Variants in CADM2 observed in about 807,000 individuals in gnomAD.
CADM2 encodes the protein immunoglobulin superfamily member 4D.
Under a neutral mutation model 49.8 loss-of-function variants are expected in CADM2, and 12 were observed. The ratio of observed to expected loss-of-function variants is 0.24; its 90% CI spans 0.15 to 0.39. CADM2 has a LOEUF of 0.39. Among genes scored for constraint, CADM2 ranks in the 10% least tolerant of loss-of-function variants. The probability of loss-of-function intolerance (pLI) is 1.00; values close to 1 mark genes in which losing one functional copy is unlikely to be tolerated. For missense variants in CADM2, 378 were observed against 492.3 expected, an observed-to-expected ratio of 0.77 and a Z score of 2.20; for synonymous variants, 214 against 175.4, an observed-to-expected ratio of 1.22 and a Z score of -1.74.
chr3:85,777,703 C>T (rs1262125105), intron 2 of CADM2, among the ~76,000 whole-genome samples: 1 of 152,216 alleles, frequency 6.6e-6, no homozygotes, highest in South Asian at 2.1e-4. Context: ...ATCTTCCACA[C>T]TGGCATTATT....
intron 1 of CADM2, among the ~76,000 whole-genome samples, chr3:84,999,634 A>G (rs2033355281): frequency 6.6e-6 from 1 of 152,226 alleles, no homozygotes; most frequent in African/African-American, 2.4e-5. Flanking sequence ...ACAAGAAGGC[A>G]GAGCATTGCC....
chr3:85,204,063 T>G (rs1457434504), intron 1 of CADM2, among the ~76,000 whole-genome samples: 1 of 152,166 alleles, frequency 6.6e-6, no homozygotes, highest in Non-Finnish European at 1.5e-5. Flanking sequence ...TCACTAGAGC[T>G]CAAATGAACA....
At chr3:85,987,159 A>C (rs56339824) in intron 8 of CADM2, among the ~76,000 whole-genome samples, 46,323 of 151,872 alleles carry the variant, frequency 0.31, 8,359 homozygotes, top group East Asian at 0.41. Flanking sequence ...CATTTGGAAA[A>C]TATCTGAGAA....
chr3:85,882,236 A>C (rs1712920768), intron 3 of CADM2, among the ~76,000 whole-genome samples: 1 of 140,110 alleles, frequency 7.1e-6, no homozygotes, highest in African/African-American at 2.7e-5. Flanking sequence ...CTCTAGATGG[A>C]GAGGGGAAGT....
At chr3:85,996,290 C>CTTTTTTTTTTTTTTTT (rs397990432) in intron 8 of CADM2, among the ~76,000 whole-genome samples, 2 of 89,312 alleles carry the variant, frequency 2.2e-5, no homozygotes, top group Non-Finnish European at 2.1e-5. Context: ...TTTTCATTTA[C>CTTTTTTTTTTTTTTTT]TTTTTTTTTT....
intron 2 of CADM2, among the ~76,000 whole-genome samples, chr3:85,775,935 CAT>C (rs765246597): frequency 6.6e-6 from 1 of 151,808 alleles, no homozygotes; most frequent in Non-Finnish European, 1.5e-5. Context: ...AAAGAAGAAA[CAT>C]AATTTTAGTA....
chr3:85,144,275 G>T (rs2039665612), intron 1 of CADM2, among the ~76,000 whole-genome samples: 2 of 138,946 alleles, frequency 1.4e-5, no homozygotes, highest in South Asian at 4.5e-4. Flanking sequence ...ACACACATGT[G>T]CACACAATCT....
intron 1 of CADM2, among the ~76,000 whole-genome samples, chr3:85,714,565 T>A (rs761991105): frequency 6.6e-6 from 1 of 152,012 alleles, no homozygotes; most frequent in Non-Finnish European, 1.5e-5. Flanking sequence ...TAACTGGGAC[T>A]ACAGACACCC....
chr3:85,434,019 A>C (rs764057975), intron 1 of CADM2, among the ~76,000 whole-genome samples: 17 of 152,084 alleles, frequency 1.1e-4, no homozygotes, highest in Non-Finnish European at 5.9e-5. Flanking sequence ...CAATCAGTAA[A>C]TGTTGATTTA....
intron 1 of CADM2, among the ~76,000 whole-genome samples, chr3:85,581,924 T>C (rs903396546): frequency 3.7e-4 from 56 of 152,080 alleles, no homozygotes; most frequent in Middle Eastern, 6.8e-3. Context: ...TTGTTTTGTT[T>C]TGTTTTGTTT....
intron 2 of CADM2, among the ~76,000 whole-genome samples, chr3:85,766,343 T>C (rs923607803): frequency 3.9e-5 from 6 of 152,144 alleles, no homozygotes; most frequent in Non-Finnish European, 5.9e-5. Flanking sequence ...TTAATAGTTA[T>C]GTCAGGGCCC....
intron 1 of CADM2, among the ~76,000 whole-genome samples, chr3:85,340,190 A>G (rs1173015607): frequency 1.3e-5 from 2 of 151,570 alleles, no homozygotes; most frequent in Non-Finnish European, 3.0e-5. Context: ...AGCATTTCCT[A>G]TAACTCTATG....
At chr3:85,920,031 C>T (rs1718893706) in intron 6 of CADM2, among the ~76,000 whole-genome samples, 1 of 151,876 alleles carries the variant, frequency 6.6e-6, no homozygotes, top group Non-Finnish European at 1.5e-5. Context: ...GCAGTCTACA[C>T]TACACAAACC....
At chr3:85,715,963 CAT>C (rs1194206203) in intron 1 of CADM2, among the ~76,000 whole-genome samples, 1 of 152,222 alleles carries the variant, frequency 6.6e-6, no homozygotes, top group African/African-American at 2.4e-5. Flanking sequence ...CTGCAATACA[CAT>C]GTGTGTGCCT....
At chr3:85,979,907 A>T (rs1019431198) in intron 8 of CADM2, among the ~76,000 whole-genome samples, 2 of 151,638 alleles carry the variant, frequency 1.3e-5, no homozygotes, top group Non-Finnish European at 3.0e-5. Flanking sequence ...TGATATCATT[A>T]TACAAATAAG....
rs112454427 is a variant in CADM2, at chr3:85,986,785, A to G, written c.970+25138A>G. On this transcript the variant is annotated intron_variant, in intron 8 of 9. Coordinates refer to ENST00000383699, the MANE Select transcript of CADM2 (RefSeq NM_001167675.2). The stretch of plus-strand genomic sequence containing the variant: ...AAGGAACAAGCACCATATATGTTCT[A>G]TAGGTGGAGGTACTTTCAACCTTGC... Among the ~76,000 whole-genome samples, 156 of 152,232 alleles carry G rather than the reference A, an allele frequency of 1.0e-3. 2 individuals carry two copies. The highest frequency in any genetic ancestry group is 3.7e-3 in the African/African-American group (152 of 41,562).
chr3:85,733,409 T>C (rs1002668511), intron 2 of CADM2, among the ~76,000 whole-genome samples: 4 of 152,190 alleles, frequency 2.6e-5, no homozygotes, highest in African/African-American at 9.6e-5. Context: ...TCTCACTGTA[T>C]AGGGATATTG....
intron 1 of CADM2, among the ~76,000 whole-genome samples, chr3:85,216,381 A>G (rs954149481): frequency 6.8e-6 from 1 of 147,200 alleles, no homozygotes; most frequent in African/African-American, 2.5e-5. Flanking sequence ...ATATTAATGT[A>G]CACTTATATT....
chr3:85,854,413 A>G (rs958486177), intron 3 of CADM2, among the ~76,000 whole-genome samples: 7 of 152,196 alleles, frequency 4.6e-5, no homozygotes, highest in African/African-American at 1.4e-4. Context: ...GATAAAGAAA[A>G]TGTGGCACAT....
Sources: gnomAD v4.1 joint callset for allele counts (sites outside exome capture counted in the v4.1 genomes callset) on GRCh38, gnomAD v4.1.1 for gene constraint, MANE v1.5 for transcripts, NCBI Gene and HGNC (gene_info 2026-07-23, HGNC 2026-07-21) for gene names.